SPMIP3: variants seen among roughly 807,000 people sequenced by gnomAD.
The protein encoded by SPMIP3 is sperm microtubule inner protein 3.
chr1:244,354,241 A>T, the SPMIP3 span, among the ~76,000 whole-genome samples: 1 of 152,114 alleles, frequency 6.6e-6, no homozygotes, highest in Non-Finnish European at 1.5e-5. Flanking sequence ...CTCTGGACAG[A>T]TTAATTAATA....
At chr1:244,388,556 G>C in the SPMIP3 span, among the ~76,000 whole-genome samples, 542 of 151,972 alleles carry the variant, frequency 3.6e-3, 2 homozygotes, top group African/African-American at 0.012. Flanking sequence ...AAGGTTTATA[G>C]TCAATAAAAT....
the SPMIP3 span, among the ~76,000 whole-genome samples, chr1:244,357,707 C>CAAAAAAAAAAAAAAAAAAAAA: frequency 1.1e-5 from 1 of 95,116 alleles, no homozygotes; most frequent in Non-Finnish European, 2.0e-5. Flanking sequence ...GACTCCATCT[C>CAAAAAAAAAAAAAAAAAAAAA]AAAAAAAAAA....
the SPMIP3 span, among the ~76,000 whole-genome samples, chr1:244,358,532 C>G: frequency 2.6e-5 from 4 of 151,002 alleles, no homozygotes; most frequent in African/African-American, 9.8e-5. Context: ...TTGCAGTGAG[C>G]TGAGATTGCG....
the SPMIP3 span, among the ~76,000 whole-genome samples, chr1:244,358,597 T>C: frequency 4.9e-5 from 7 of 143,900 alleles, no homozygotes. Context: ...AAAAAAAAAA[T>C]TAAGTATGTA....
the SPMIP3 span, among the ~76,000 whole-genome samples, chr1:244,377,308 T>A: frequency 9.9e-5 from 15 of 151,620 alleles, no homozygotes; most frequent in African/African-American, 3.6e-4. Flanking sequence ...GTATTTTTAG[T>A]AGAGATGGGG....
At chr1:244,382,281 A>C in the SPMIP3 span, among the ~76,000 whole-genome samples, 2 of 151,952 alleles carry the variant, frequency 1.3e-5, no homozygotes, top group Non-Finnish European at 2.9e-5. Flanking sequence ...GGAGATGAGG[A>C]TAGCTAAAGG....
the SPMIP3 span, among the ~76,000 whole-genome samples, chr1:244,354,354 ATTTT>A: frequency 8.4e-5 from 9 of 107,216 alleles, no homozygotes; most frequent in African/African-American, 1.4e-4. Flanking sequence ...CCAAACTTTG[ATTTT>A]TTTTTTTTTT....
the SPMIP3 span, among the ~76,000 whole-genome samples, chr1:244,372,716 T>G: frequency 1.3e-5 from 2 of 152,168 alleles, no homozygotes; most frequent in East Asian, 1.9e-4. Flanking sequence ...GTGCTGGGAT[T>G]ACAGGCGCGA....
the SPMIP3 span, among the ~76,000 whole-genome samples, chr1:244,368,722 G>T: frequency 6.6e-6 from 1 of 152,224 alleles, no homozygotes; most frequent in Middle Eastern, 3.2e-3. Flanking sequence ...GCCCTTGTGT[G>T]GTTCTGCACA....
chr1:244,387,069 A>G, the SPMIP3 span, among the ~76,000 whole-genome samples: 2 of 152,322 alleles, frequency 1.3e-5, no homozygotes, highest in South Asian at 2.1e-4. Context: ...TTGGGAGGCC[A>G]AGGTGGGCGG....
the SPMIP3 span, among the ~76,000 whole-genome samples, chr1:244,386,188 A>C: frequency 6.6e-6 from 1 of 152,212 alleles, no homozygotes; most frequent in African/African-American, 2.4e-5. Context: ...AAACAAACAA[A>C]AACTCTTGAT....
At chr1:244,364,712 C>A in the SPMIP3 span, 1 of 1,614,040 alleles carries the variant, frequency 6.2e-7, no homozygotes. Flanking sequence ...TGACTGCCAT[C>A]CGACTACGAG....
the SPMIP3 span, among the ~76,000 whole-genome samples, chr1:244,374,587 C>CTTT: frequency 0.015 from 1,154 of 74,734 alleles, 34 homozygotes; most frequent in East Asian, 0.033. Flanking sequence ...CCACATTTCT[C>CTTT]TTTTTTTTTT....
chr1:244,378,772 G>A, the SPMIP3 span: 1 of 988,256 alleles, frequency 1.0e-6, no homozygotes, highest in Non-Finnish European at 1.5e-6. Flanking sequence ...ATATGTGTGT[G>A]TGTGTTTCTG....
chr1:244,372,609 A>T, the SPMIP3 span, among the ~76,000 whole-genome samples: 2 of 151,502 alleles, frequency 1.3e-5, no homozygotes, highest in South Asian at 4.2e-4. Flanking sequence ...ACACCTGGCT[A>T]ATTTTTTGTA....
At chr1:244,379,029 C>T in the SPMIP3 span, among the ~76,000 whole-genome samples, 1 of 152,042 alleles carries the variant, frequency 6.6e-6, no homozygotes, top group Non-Finnish European at 1.5e-5. Context: ...CCTGGGTTCA[C>T]TCCATTCTCC....
chr1:244,369,039 G>T, the SPMIP3 span, among the ~76,000 whole-genome samples: 1 of 152,244 alleles, frequency 6.6e-6, no homozygotes, highest in African/African-American at 2.4e-5. Flanking sequence ...CACACCTGTA[G>T]TCCCAGCCTC....
At chr1:244,368,316 A>G in the SPMIP3 span, among the ~76,000 whole-genome samples, 1 of 152,104 alleles carries the variant, frequency 6.6e-6, no homozygotes, top group African/African-American at 2.4e-5. Flanking sequence ...ATAATGGTAA[A>G]CACTTCTGAA....
At chr1:244,387,626 G>A in the SPMIP3 span, among the ~76,000 whole-genome samples, 1 of 152,194 alleles carries the variant, frequency 6.6e-6, no homozygotes, top group South Asian at 2.1e-4. Context: ...GATAGCAAAA[G>A]GGATGGTGAA....
Sources: gnomAD v4.1 joint callset for allele counts (sites outside exome capture counted in the v4.1 genomes callset) on GRCh38, gnomAD v4.1.1 for gene constraint, MANE v1.5 for transcripts, NCBI Gene and HGNC (gene_info 2026-07-23, HGNC 2026-07-21) for gene names.